The following USHBP1 variants were observed in gnomAD, a reference collection of about 807,000 sequenced individuals.
USHBP1 encodes harmonin-binding protein USHBP1.
USHBP1 carries 67 observed loss-of-function variants against 76.2 expected under a neutral mutation model. The ratio of observed to expected loss-of-function variants is 0.88; its 90% CI spans 0.72 to 1.08. USHBP1 has a LOEUF of 1.08. Ranked by LOEUF, USHBP1 falls within the 50% of genes least tolerant of loss-of-function variation. The probability of loss-of-function intolerance (pLI) is 0.00; values close to 1 mark genes in which losing one functional copy is unlikely to be tolerated. For missense variants in USHBP1, 931 were observed against 915.0 expected (o/e 1.02, Z -0.23); for synonymous variants, 322 against 362.2 (o/e 0.89, Z 1.26).
In USHBP1 at chr19:17,258,305, C is replaced by G. The variant is rs776726626; in HGVS notation, c.1127G>C (p.Ser376Thr). 7 of 1,614,128 alleles carry G rather than the reference C, an allele frequency of 4.3e-6. No individual in the cohort carries two copies. In the Admixed American group the frequency reaches 1.2e-4, roughly 27 times the overall value. ...TTCCTTTTCAGCTGCTTGCAGGTCACTCATGGGGGCTTCGTCTCCTGCTCC... is the reference window on the plus strand; with the variant it reads ...TTCCTTTTCAGCTGCTTGCAGGTCAGTCATGGGGGCTTCGTCTCCTGCTCC... Reference protein sequence around the residue: ...DSGAGDEAPMSDLQAAEKEAW... With the variant: ...DSGAGDEAPMTDLQAAEKEAW... Residue 376 changes from serine to threonine, a missense_variant, in exon 8 of 13, where the codon AGT (serine) becomes ACT (threonine). Physicochemically the swap from Ser to Thr is moderately conservative, Grantham distance 58. Coordinates refer to ENST00000252597, the MANE Select transcript of USHBP1 (RefSeq NM_031941.4).
rs957083555 is a variant in USHBP1 at position 17,257,429 on chromosome 19, G to A, written c.1221-709C>T. Among the ~76,000 whole-genome samples, 9 of 149,854 alleles carry A rather than the reference G, an allele frequency of 6.0e-5. 1 individual carries two copies. The highest frequency in any genetic ancestry group is 2.6e-4 in the Admixed American group (4 of 15,114). On this transcript the variant is annotated intron_variant, in intron 8 of 12. Coordinates refer to ENST00000252597, the MANE Select transcript of USHBP1 (RefSeq NM_031941.4). ...AGGCCGAGGCAAGTGGATCACCTGA[G>A]GTCAGGAGTTCGAGACCAGCCTGAC...
At chr19:17,253,821 G>A (rs2073583579) in intron 10 of USHBP1, among the ~76,000 whole-genome samples, 1 of 149,168 alleles carries the variant, frequency 6.7e-6, no homozygotes, top group Non-Finnish European at 1.5e-5. Flanking sequence ...TTGAACCTGG[G>A]ACGCAGAGAT....
chr19:17,250,451 C>A, intron 12 of USHBP1, 37 bp from the exon 13 acceptor site: 2 of 1,594,260 alleles, frequency 1.3e-6, no homozygotes, highest in Non-Finnish European at 8.5e-7. Flanking sequence ...GAAACAGCCC[C>A]CGAGTCCACC....
chr19:17,258,125 C>G (rs184918257), intron 8 of USHBP1, 87 bp downstream of exon 8: 17 of 1,584,376 alleles, frequency 1.1e-5, no homozygotes, highest in Admixed American at 3.4e-5. Context: ...CACCAAGCCC[C>G]GAAACGTGGT....
intron 4 of USHBP1, among the ~76,000 whole-genome samples, chr19:17,261,598 C>A (rs985957907): frequency 6.7e-6 from 1 of 150,044 alleles, no homozygotes; most frequent in Non-Finnish European, 1.5e-5. Flanking sequence ...TCCCAAAGTG[C>A]TGGGATTACA....
chr19:17,252,146 A>G, intron 10 of USHBP1, 129 bp from the exon 11 acceptor site: 1 of 817,392 alleles, frequency 1.2e-6, no homozygotes, highest in Non-Finnish European at 1.9e-6. Flanking sequence ...CTGGTTCGAT[A>G]TACCAATAAG....
intron 10 of USHBP1, among the ~76,000 whole-genome samples, chr19:17,253,233 G>A (rs138810693): frequency 6.6e-6 from 1 of 151,706 alleles, no homozygotes; most frequent in Admixed American, 6.6e-5. Context: ...CTCCCAAAGT[G>A]CTAAGATTAC....
chr19:17,254,043 A>G (rs755420377), intron 10 of USHBP1, among the ~76,000 whole-genome samples: 11 of 151,774 alleles, frequency 7.2e-5, no homozygotes, highest in Admixed American at 4.6e-4. Context: ...CCCCATCTCT[A>G]CTAAAAAATA....
chr19:17,256,206 A>G (rs756081610), intron 9 of USHBP1, among the ~76,000 whole-genome samples: 110 of 152,218 alleles, frequency 7.2e-4, no homozygotes, highest in Non-Finnish European at 1.4e-3. Context: ...TTTCATGCCA[A>G]GCTACAAACC....
Position 17,252,103 on chromosome 19 carries a change from A to AG in USHBP1, c.1693-87dup, listed in dbSNP as rs1270432819. On this transcript the variant is annotated intron_variant, in intron 10 of 12. Coordinates refer to ENST00000252597, the MANE Select transcript of USHBP1 (RefSeq NM_031941.4). ...CACTGGACATTGGAGCTGCCCAGAC[A>AG]GTGGCAGCTGCTGTGCTCTCAGAGA... 2.4e-6 allele frequency: 3 copies of AG among 1,233,640 alleles called. No individual in the cohort carries two copies. The African/African-American group carries it at 4.5e-5, about 18-fold the overall frequency. 76.4% of individuals were successfully genotyped at this position (1,233,640 alleles called of 1,614,324 possible). A position where few individuals can be genotyped will look rare whatever the true frequency, so the allele number is the denominator to read the frequency against.
At chr19:17,257,576 A>G (rs2145586423) in intron 8 of USHBP1, among the ~76,000 whole-genome samples, 1 of 138,804 alleles carries the variant, frequency 7.2e-6, no homozygotes, top group East Asian at 2.3e-4. Flanking sequence ...CGGGAGGCAG[A>G]GGTTGCAGTG....
Position 17,263,698 on chromosome 19 carries a change from G to GCAAGA in USHBP1, c.203+303_203+304insTCTTG, listed in dbSNP as rs59561093. On this transcript the variant is annotated intron_variant, in intron 3 of 12. Transcript: ENST00000252597. ...GTTCAAGACCAGCCTGGCTAATGTG[G>GCAAGA]CCTGTCTCACTAAAAATGCAAAACT... is the stretch of plus-strand genomic sequence containing the variant. 72 of 277,122 alleles carry GCAAGA rather than the reference G, an allele frequency of 2.6e-4. 1 individual carries two copies. The South Asian group carries it at 3.8e-3, about 15-fold the overall frequency. 17.2% of individuals were successfully genotyped at this position (277,122 alleles called of 1,614,324 possible). A position where few individuals can be genotyped will look rare whatever the true frequency, so the allele number is the denominator to read the frequency against.
chr19:17,256,413 A>G (rs939664490), intron 9 of USHBP1, 58 bp downstream of exon 9: 15 of 1,599,952 alleles, frequency 9.4e-6, no homozygotes, highest in Non-Finnish European at 1.2e-5. Flanking sequence ...CCCCGACCTC[A>G]GTAAAGGATT....
At chr19:17,257,517 C>A (rs928857917) in intron 8 of USHBP1, among the ~76,000 whole-genome samples, 1 of 150,762 alleles carries the variant, frequency 6.6e-6, no homozygotes, top group African/African-American at 2.4e-5. Context: ...TAGTGGGAGC[C>A]TGTAATCCCA....
rs566126378 is a variant in USHBP1, at chr19:17,251,694, G to A, written c.1810C>T (p.Leu604=). Residue 604 remains leucine (L), a synonymous_variant, in exon 12 of 13, where the codon CTG becomes TTG. Transcript: ENST00000252597. ...CGCAGAGACTGCAGCTGCTCCTGCA[G>A]GTCCAGTGTCCTGTTGCGAAGGAGA... ...LAASLTRTLD[L]QEQLQSLRRE... is the part of the protein sequence containing the mutation. 48 of 1,613,360 alleles carry A rather than the reference G, an allele frequency of 3.0e-5. 1 individual carries two copies. In the East Asian group the frequency reaches 1.0e-3, roughly 35 times the overall value.
Position 17,250,184 on chromosome 19 carries a change from C to G in USHBP1, c.*41G>C. 1 of 1,564,170 alleles carries G rather than the reference C, an allele frequency of 6.4e-7. No homozygotes were observed. The highest frequency in any genetic ancestry group is 1.2e-5 in the South Asian group (1 of 86,288). Reference sequence around the variant, plus strand: ...CACTCCAGGACAGTTTATGACATGCCACAGCTGTCTGGCATGTCCAGACAT... The same window carrying G: ...CACTCCAGGACAGTTTATGACATGCGACAGCTGTCTGGCATGTCCAGACAT... On this transcript the variant is annotated 3_prime_UTR_variant, in exon 13 of 13. Coordinates refer to ENST00000252597, the MANE Select transcript of USHBP1 (RefSeq NM_031941.4).
At chr19:17,259,149 A>G in intron 7 of USHBP1, 140 bp downstream of exon 7, 1 of 1,247,958 alleles carries the variant, frequency 8.0e-7, no homozygotes, top group Non-Finnish European at 1.1e-6. Context: ...TGGGCAACAC[A>G]GCGAGATTCT....
At chr19:17,254,103 G>T (rs368653442) in intron 10 of USHBP1, among the ~76,000 whole-genome samples, 3 of 152,050 alleles carry the variant, frequency 2.0e-5, no homozygotes, top group Non-Finnish European at 4.4e-5. Context: ...CAGCACTTTG[G>T]GAGGCTGAGG....
chr19:17,262,039 C>G (rs1360526152), intron 4 of USHBP1, among the ~76,000 whole-genome samples: 1 of 147,478 alleles, frequency 6.8e-6, no homozygotes, highest in Non-Finnish European at 1.5e-5. Context: ...CTCACTCTGT[C>G]CCCCAGGTTG....
Sources: allele counts gnomAD v4.1 joint callset (sites outside exome capture counted in the v4.1 genomes callset), GRCh38; gene constraint gnomAD v4.1.1; transcripts MANE v1.5; gene names NCBI Gene and HGNC (gene_info 2026-07-23, HGNC 2026-07-21).